The following GPD2 variants were observed in gnomAD, a reference collection of about 807,000 sequenced individuals.
GPD2 encodes glycerol-3-phosphate dehydrogenase, mitochondrial.
In GPD2, 54 loss-of-function variants were observed where a neutral mutation model predicts 82.4. The ratio of observed to expected loss-of-function variants is 0.66; its 90% CI spans 0.53 to 0.82. The LOEUF is 0.82. Ranked by LOEUF, GPD2 falls within the 40% of genes least tolerant of loss-of-function variation. The probability of loss-of-function intolerance (pLI) is 0.00; values close to 1 mark genes in which losing one functional copy is unlikely to be tolerated. For missense variants in GPD2, 748 were observed against 896.2 expected, an observed-to-expected ratio of 0.83 and a Z score of 2.11; for synonymous variants, 288 against 306.1, an observed-to-expected ratio of 0.94 and a Z score of 0.62.
At chr2:156,482,641 C>CAAA (rs2105214875) in intron 2 of GPD2, among the ~76,000 whole-genome samples, 2 of 152,120 alleles carry the variant, frequency 1.3e-5, no homozygotes, top group South Asian at 4.2e-4. Flanking sequence ...TCTTCTTTCC[C>CAAA]AAAGTCAGTG....
intron 2 of GPD2, among the ~76,000 whole-genome samples, chr2:156,486,018 G>A (rs1195465835): frequency 6.6e-6 from 1 of 152,132 alleles, no homozygotes; most frequent in African/African-American, 2.4e-5. Flanking sequence ...CTAAATTTGT[G>A]GGAATGTGTC....
the GPD2 span, among the ~76,000 whole-genome samples, chr2:156,424,940 T>G: frequency 6.6e-6 from 1 of 152,176 alleles, no homozygotes; most frequent in African/African-American, 2.4e-5. Flanking sequence ...TTCAATAACT[T>G]AATACATTGC....
the GPD2 span, among the ~76,000 whole-genome samples, chr2:156,418,260 G>C: frequency 9.1e-4 from 139 of 151,948 alleles, 1 homozygote; most frequent in Admixed American, 1.8e-3. Flanking sequence ...CGGACGTGGT[G>C]GTGGGCACCT....
chr2:156,558,796 T>A (rs1004731219), intron 9 of GPD2, among the ~76,000 whole-genome samples: 6 of 124,840 alleles, frequency 4.8e-5, no homozygotes, highest in African/African-American at 1.9e-4. Flanking sequence ...TTTTTTTTTT[T>A]AAGTAGAGAC....
chr2:156,401,242 G>A, the GPD2 span, among the ~76,000 whole-genome samples: 30 of 152,244 alleles, frequency 2.0e-4, no homozygotes, highest in African/African-American at 7.0e-4. Context: ...CTTTTCTATT[G>A]CTTACTAGAA....
At chr2:156,455,673 A>G (rs757621192) in intron 1 of GPD2, among the ~76,000 whole-genome samples, 1 of 152,168 alleles carries the variant, frequency 6.6e-6, no homozygotes, top group Non-Finnish European at 1.5e-5. Flanking sequence ...TGCCTTCCCT[A>G]GAAACCTCCC....
the GPD2 span, among the ~76,000 whole-genome samples, chr2:156,408,206 T>G: frequency 6.6e-6 from 1 of 152,048 alleles, no homozygotes; most frequent in Non-Finnish European, 1.5e-5. Context: ...CTGCCCACCT[T>G]GGCCTCCCAA....
chr2:156,425,976 G>A, the GPD2 span, among the ~76,000 whole-genome samples: 3 of 149,954 alleles, frequency 2.0e-5, no homozygotes, highest in Non-Finnish European at 3.0e-5. Context: ...AGGCTGGAGT[G>A]CAGTGGCGCC....
At chr2:156,544,332 G>C (rs1686443564) in intron 6 of GPD2, among the ~76,000 whole-genome samples, 1 of 152,126 alleles carries the variant, frequency 6.6e-6, no homozygotes, top group Non-Finnish European at 1.5e-5. Flanking sequence ...AAACATACAA[G>C]TGTTCTTTTG....
At chr2:156,409,542 A>T in the GPD2 span, among the ~76,000 whole-genome samples, 1 of 151,308 alleles carries the variant, frequency 6.6e-6, no homozygotes, top group Non-Finnish European at 1.5e-5. Flanking sequence ...CACAAAAAAT[A>T]AAAAAAAATT....
chr2:156,472,380 G>A (rs891865327), intron 1 of GPD2, among the ~76,000 whole-genome samples: 5 of 152,090 alleles, frequency 3.3e-5, no homozygotes, highest in South Asian at 2.1e-4. Context: ...GAGTGCAGTG[G>A]CGCAGTCTCG....
the GPD2 span, among the ~76,000 whole-genome samples, chr2:156,405,590 G>A: frequency 1.3e-5 from 2 of 152,160 alleles, no homozygotes; most frequent in Non-Finnish European, 2.9e-5. Flanking sequence ...ATGTCACAGT[G>A]TTTCATAGAT....
intron 13 of GPD2, among the ~76,000 whole-genome samples, chr2:156,575,345 T>C (rs1413746987): frequency 6.6e-6 from 1 of 152,096 alleles, no homozygotes; most frequent in Non-Finnish European, 1.5e-5. Flanking sequence ...CGGAAGCTAG[T>C]AAGGAATCAC....
At chr2:156,419,049 CTTTTTTT>C in the GPD2 span, among the ~76,000 whole-genome samples, 4 of 77,198 alleles carry the variant, frequency 5.2e-5, no homozygotes, top group South Asian at 4.6e-4. Context: ...TTCTTTCCTT[CTTTTTTT>C]TTTTTTTTTT....
intron 3 of GPD2, among the ~76,000 whole-genome samples, chr2:156,502,752 T>A (rs1684632433): frequency 1.5e-5 from 2 of 134,968 alleles, no homozygotes; most frequent in Admixed American, 1.4e-4. Context: ...AATCCTTTTG[T>A]TATGTTATAT....
At chr2:156,460,637 A>C in intron 1 of GPD2, among the ~76,000 whole-genome samples, 2 of 152,320 alleles carry the variant, frequency 1.3e-5, no homozygotes, top group South Asian at 4.1e-4. Context: ...AGTGCAAATT[A>C]TAATGAGTTG....
chr2:156,456,617 T>C (rs1420749502), intron 1 of GPD2, among the ~76,000 whole-genome samples: 1 of 152,006 alleles, frequency 6.6e-6, no homozygotes, highest in Non-Finnish European at 1.5e-5. Flanking sequence ...AAGTTGGTCT[T>C]CTTGATCCTA....
chr2:156,551,497 T>A (rs1686757875), intron 8 of GPD2, among the ~76,000 whole-genome samples: 1 of 152,200 alleles, frequency 6.6e-6, no homozygotes, highest in Non-Finnish European at 1.5e-5. Flanking sequence ...GCTAAGGGTG[T>A]AGAGCATGTG....
chr2:156,507,485 G>A (rs564076364), intron 3 of GPD2, among the ~76,000 whole-genome samples: 14 of 152,008 alleles, frequency 9.2e-5, no homozygotes, highest in African/African-American at 2.7e-4. Flanking sequence ...ACTATGCCCG[G>A]CTAATTTTTG....
Sources: gnomAD v4.1 joint callset for allele counts (sites outside exome capture counted in the v4.1 genomes callset) on GRCh38, gnomAD v4.1.1 for gene constraint, MANE v1.5 for transcripts, NCBI Gene and HGNC (gene_info 2026-07-23, HGNC 2026-07-21) for gene names.